Variants in ARHGEF38 observed in about 807,000 individuals in gnomAD.
The protein encoded by ARHGEF38 is Rho guanine nucleotide exchange factor (GEF) 38.
Under a neutral mutation model 79.9 loss-of-function variants are expected in ARHGEF38, and 79 were observed. The observed-to-expected ratio is 0.99, with a 90% confidence interval of 0.82 to 1.19. ARHGEF38 has a LOEUF of 1.19. Among genes scored for constraint, ARHGEF38 ranks in the 50% most tolerant of loss-of-function variants. The pLI, the probability that ARHGEF38 is intolerant of heterozygous loss-of-function variation, is 0.00. For synonymous variants in ARHGEF38, 366 were observed against 328.3 expected, an observed-to-expected ratio of 1.11 and a Z score of -1.24; for missense variants, 962 against 907.2, an observed-to-expected ratio of 1.06 and a Z score of -0.78.
At chr4:105,593,532 T>C (rs1727436817) in intron 2 of ARHGEF38, among the ~76,000 whole-genome samples, 1 of 152,148 alleles carries the variant, frequency 6.6e-6, no homozygotes, top group African/African-American at 2.4e-5. Context: ...AGCAAGACCC[T>C]GTCTCCAGAA....
chr4:105,647,097 G>C (rs968998959), intron 6 of ARHGEF38, among the ~76,000 whole-genome samples: 4 of 152,082 alleles, frequency 2.6e-5, no homozygotes, highest in Non-Finnish European at 4.4e-5. Flanking sequence ...TGTTAAGACT[G>C]GACAAGGTTT....
In ARHGEF38 at chr4:105,648,834, CTCTCTCTCTCTCTT is replaced by C. The variant is rs1469982227; in HGVS notation, c.1008+166_1008+179del. Among the ~76,000 whole-genome samples the C allele has an allele frequency of 1.2e-4, 18 of 150,884 alleles. No individual in the cohort carries two copies. The South Asian group carries it at 2.5e-3, about 21-fold the overall frequency. On this transcript the variant is annotated intron_variant, in intron 7 of 13. Coordinates refer to ENST00000420470, the MANE Select transcript of ARHGEF38 (RefSeq NM_001242729.2). ...CTCTTGTCTCCCTCTCTCTCTCTCT[CTCTCTCTCTCTCTT>C]TCTCTCTCTCTCTCTCTCTCTCTGG...
At chr4:105,641,729 T>TG (rs1244529927) in intron 5 of ARHGEF38, among the ~76,000 whole-genome samples, 1 of 152,008 alleles carries the variant, frequency 6.6e-6, no homozygotes, top group Non-Finnish European at 1.5e-5. Context: ...TATCTAATTT[T>TG]TTTTTGTTTT....
In ARHGEF38 at chr4:105,576,847, C is replaced by CT. The variant is rs1245278703; in HGVS notation, c.197-12395dup. 2.6e-5 allele frequency among the ~76,000 whole-genome samples: 4 copies of CT among 151,968 alleles called. No homozygotes were observed. The East Asian group carries it at 7.7e-4, about 29-fold the overall frequency. ...AAGGGATGCTGAATTTTATTGAGTG[C>CT]TTTTTTCTGCATCTATTGAGAAGAT... On this transcript the variant is annotated intron_variant, in intron 1 of 13. Coordinates refer to ENST00000420470, the MANE Select transcript of ARHGEF38 (RefSeq NM_001242729.2).
At chr4:105,650,942 C>A (rs1269560696) in intron 7 of ARHGEF38, among the ~76,000 whole-genome samples, 3 of 152,070 alleles carry the variant, frequency 2.0e-5, no homozygotes, top group African/African-American at 7.2e-5. Flanking sequence ...ATATTAAAAT[C>A]AAATTGGAAA....
rs1050517329 is a variant in ARHGEF38 at position 105,679,589 on chromosome 4, A to C, written c.*1652A>C. 5.4e-6 allele frequency: 5 copies of C among 927,682 alleles called. No individual in the cohort carries two copies. Among genetic ancestry groups the C allele is most frequent in the Non-Finnish European group, 7.2e-6 (4 of 556,942 alleles). 57.5% of individuals were successfully genotyped at this position (927,682 alleles called of 1,614,324 possible). A position where few individuals can be genotyped will look rare whatever the true frequency, so the allele number is the denominator to read the frequency against. On this transcript the variant is annotated 3_prime_UTR_variant, in exon 14 of 14. Transcript: ENST00000420470. ...CCCCTTTCTCTTCTATCAGTATCTG[A>C]GCTGATGGTTGGAAAAAAATCAACA...
chr4:105,577,258 C>G (rs1353888944), intron 1 of ARHGEF38, among the ~76,000 whole-genome samples: 2 of 116,020 alleles, frequency 1.7e-5, no homozygotes, highest in East Asian at 3.0e-4. Context: ...CCCCTCCCCC[C>G]ACCCCACAAC....
chr4:105,560,991 A>G (rs1195666623), intron 1 of ARHGEF38, among the ~76,000 whole-genome samples: 1 of 152,164 alleles, frequency 6.6e-6, no homozygotes, highest in Non-Finnish European at 1.5e-5. Context: ...CCCCTCCCAG[A>G]TAAAAACAAG....
intron 5 of ARHGEF38, among the ~76,000 whole-genome samples, chr4:105,639,259 C>G (rs1394851801): frequency 6.6e-6 from 1 of 151,886 alleles, no homozygotes; most frequent in Non-Finnish European, 1.5e-5. Context: ...TTTGTAATGT[C>G]TCTTTAATTA....
At chr4:105,589,557 T>C in intron 2 of ARHGEF38, 122 bp downstream of exon 2, 1 of 843,936 alleles carries the variant, frequency 1.2e-6, no homozygotes, top group Non-Finnish European at 1.8e-6. Flanking sequence ...AAAACAGCAC[T>C]GTTCTCAGCT....
chr4:105,676,363 G>A (rs539341455), intron 13 of ARHGEF38, among the ~76,000 whole-genome samples: 2 of 152,270 alleles, frequency 1.3e-5, no homozygotes, highest in Admixed American at 6.5e-5. Flanking sequence ...ATTAGCTGAT[G>A]TATCATCTGT....
At chr4:105,588,011 G>A (rs1372790694) in intron 1 of ARHGEF38, among the ~76,000 whole-genome samples, 4 of 152,174 alleles carry the variant, frequency 2.6e-5, no homozygotes. Flanking sequence ...TGAAGTTAGT[G>A]GACCAGAGAG....
intron 3 of ARHGEF38, among the ~76,000 whole-genome samples, chr4:105,619,059 A>C (rs1426063778): frequency 6.6e-6 from 1 of 152,198 alleles, no homozygotes; most frequent in Admixed American, 6.5e-5. Context: ...TTTCAGATTC[A>C]CTAATCATAG....
At chr4:105,570,021 T>A (rs990189502) in intron 1 of ARHGEF38, 2 of 152,184 alleles carry the variant, frequency 1.3e-5, no homozygotes, top group African/African-American at 4.8e-5. Context: ...TAGAACATGA[T>A]GTACCATGAT....
At chr4:105,591,464 T>C (rs1313215435) in intron 2 of ARHGEF38, among the ~76,000 whole-genome samples, 1 of 152,104 alleles carries the variant, frequency 6.6e-6, no homozygotes, top group Non-Finnish European at 1.5e-5. Flanking sequence ...CTCCTGACCT[T>C]GTGATCCACC....
At chr4:105,621,105 T>C (rs62320289) in intron 3 of ARHGEF38, among the ~76,000 whole-genome samples, 2 of 152,282 alleles carry the variant, frequency 1.3e-5, no homozygotes, top group Non-Finnish European at 2.9e-5. Context: ...AGGCACTAGA[T>C]TTGTGAAATT....
chr4:105,566,955 G>C (rs1475027892), intron 1 of ARHGEF38, among the ~76,000 whole-genome samples: 1 of 152,186 alleles, frequency 6.6e-6, no homozygotes. Flanking sequence ...ATTTCTCCAT[G>C]TTGGTCAGGC....
rs529823706 is a variant in ARHGEF38, at chr4:105,672,975, A to G, written c.2149-4777A>G. Among the ~76,000 whole-genome samples, 13 of 152,242 alleles carry G rather than the reference A, an allele frequency of 8.5e-5. No individual in the cohort carries two copies. In the South Asian group the frequency reaches 2.5e-3, roughly 29 times the overall value. On this transcript the variant is annotated intron_variant, in intron 13 of 13. Transcript: ENST00000420470. ...GTAGGTGAGCATCTCTCTGGCTTCAAATCTCTCCCTTCAGAGGAGGCCTGA... is the reference window on the plus strand; with the variant it reads ...GTAGGTGAGCATCTCTCTGGCTTCAGATCTCTCCCTTCAGAGGAGGCCTGA...
In ARHGEF38 at chr4:105,557,413, A is replaced by G. The variant is rs548492684; in HGVS notation, c.196+4452A>G. On this transcript the variant is annotated intron_variant, in intron 1 of 13. Coordinates refer to ENST00000420470, the MANE Select transcript of ARHGEF38 (RefSeq NM_001242729.2). ...TTCAGGAGTCTTTTCTGAAAACCAT[A>G]TATGAATTATATCACTGACATTATA... Among the ~76,000 whole-genome samples the G allele has an allele frequency of 3.3e-5, 5 of 152,206 alleles. No homozygotes were observed. In the East Asian group the frequency reaches 7.7e-4, roughly 23 times the overall value.
Sources: allele counts gnomAD v4.1 joint callset (sites outside exome capture counted in the v4.1 genomes callset), GRCh38; gene constraint gnomAD v4.1.1; transcripts MANE v1.5; gene names NCBI Gene and HGNC (gene_info 2026-07-23, HGNC 2026-07-21).